Variants in YLPM1 observed in about 807,000 individuals in gnomAD.
The protein encoded by YLPM1 is YLP motif containing 1, also known as YLP motif-containing protein 1.
Under a neutral mutation model 230.0 loss-of-function variants are expected in YLPM1, and 99 were observed. The ratio of observed to expected loss-of-function variants is 0.43; its 90% CI spans 0.37 to 0.51. The LOEUF is 0.51. Among genes scored for constraint, YLPM1 ranks in the 20% least tolerant of loss-of-function variants. The pLI is 0.00. For missense variants in YLPM1, 2,592 were observed against 2,707.7 expected, an observed-to-expected ratio of 0.96 and a Z score of 0.95; for synonymous variants, 984 against 942.5, an observed-to-expected ratio of 1.04 and a Z score of -0.81.
At chr14:74,788,050 ACT>A (rs1482396989) in intron 4 of YLPM1, among the ~76,000 whole-genome samples, 1 of 152,056 alleles carries the variant, frequency 6.6e-6, no homozygotes, top group African/African-American at 2.4e-5. Context: ...TTAAAGACAA[ACT>A]CTTTTCATCC....
chr14:74,819,894 G>T (rs1297851089), intron 16 of YLPM1, among the ~76,000 whole-genome samples: 2 of 152,064 alleles, frequency 1.3e-5, no homozygotes, highest in Admixed American at 6.6e-5. Flanking sequence ...CCCCCTTAGG[G>T]CTCCATCCTA....
At chr14:74,807,060 A>T (rs533977215) in intron 6 of YLPM1, among the ~76,000 whole-genome samples, 22 of 152,276 alleles carry the variant, frequency 1.4e-4, no homozygotes, top group Non-Finnish European at 2.2e-4. Flanking sequence ...GCCATACTTT[A>T]AAAGTTTACC....
rs367544415 is a variant in YLPM1, at chr14:74,829,159, C to G, written c.6164-54C>G. The G allele has an allele frequency of 4.1e-5, 65 of 1,601,910 alleles. No homozygotes were observed. In the East Asian group the frequency reaches 7.9e-4, roughly 19 times the overall value. On this transcript the variant is annotated intron_variant, in intron 18 of 20. Coordinates refer to ENST00000325680, the MANE Select transcript of YLPM1 (RefSeq NM_019589.3). ...GCCTTCTTTTCCCCTGTGTGTGTGT[C>G]GTGTGCAAACTCACACTCTTCCTTA...
chr14:74,791,549 T>C (rs191230936), intron 4 of YLPM1, among the ~76,000 whole-genome samples: 2 of 152,350 alleles, frequency 1.3e-5, no homozygotes, highest in Non-Finnish European at 2.9e-5. Context: ...AATTCCCTTC[T>C]TGCCATTCTT....
At position 74,782,032 on chromosome 14, in the gene YLPM1, A is replaced by G. The variant is rs768871878; in HGVS notation, c.1989A>G (p.Pro663=). The change falls in exon 4 of 21, where the codon CCA becomes CCG. Residue 663 remains proline, a synonymous_variant. Transcript: ENST00000325680. ...PASSSQSSQV[P]EKPRPALLPT... Reference sequence around the variant, plus strand: ...CCAGTTCACAGAGCTCGCAAGTTCCAGAGAAACCTAGACCAGCACTGCTTC... The same window carrying G: ...CCAGTTCACAGAGCTCGCAAGTTCCGGAGAAACCTAGACCAGCACTGCTTC... The G allele has an allele frequency of 1.9e-6, 3 of 1,613,888 alleles. No individual in the cohort carries two copies. The highest frequency in any genetic ancestry group is 2.5e-6 in the Non-Finnish European group (3 of 1,179,876).
intron 4 of YLPM1, among the ~76,000 whole-genome samples, chr14:74,786,805 G>A (rs1014035976): frequency 6.6e-6 from 1 of 152,088 alleles, no homozygotes; most frequent in Non-Finnish European, 1.5e-5. Context: ...AATTTTGTTT[G>A]GATATCTATT....
In YLPM1 at chr14:74,799,315, C is replaced by A. The variant is rs2091300401; in HGVS notation, c.4018C>A (p.Leu1340Ile). The A allele has an allele frequency of 6.2e-7, 1 of 1,613,916 alleles. No individual in the cohort carries two copies. Among genetic ancestry groups the A allele is most frequent in the African/African-American group, 1.3e-5 (1 of 74,922 alleles). Residue 1340 changes from leucine (L) to isoleucine (I), a missense_variant, in exon 5 of 21, where the codon CTT becomes ATT. Physicochemically the swap from Leu to Ile is conservative, Grantham distance 5. This residue lies in a region of YLPM1 where 1,862 missense variants were observed against 1,819.8 expected (regional missense o/e 1.02). Coordinates refer to ENST00000325680, the MANE Select transcript of YLPM1 (RefSeq NM_019589.3). The part of the protein sequence containing the change: ...SLPPLPPLPP[L>I]PPLDRYRDDR... ...TCCACCTTTACCGCCCCTCCCACCTCTTCCACCTTTGGATAGATATCGGGA... is the reference window on the plus strand; with the variant it reads ...TCCACCTTTACCGCCCCTCCCACCTATTCCACCTTTGGATAGATATCGGGA...
rs1197803562 is a variant in YLPM1 at position 74,781,477 on chromosome 14, T to C, written c.1434T>C (p.Tyr478=). The change falls in exon 4 of 21, where the codon TAT becomes TAC. Residue 478 remains tyrosine, a synonymous_variant. Transcript: ENST00000325680. ...CTCATAAAGATCAGCTTCAGGAGTA[T>C]GAGAAGCAGTGGAAAACATGGCAGG... The part of the protein sequence containing the change: ...SYPHKDQLQE[Y]EKQWKTWQGH... The C allele has an allele frequency of 2.5e-6, 4 of 1,613,386 alleles. No homozygotes were observed. In the South Asian group the frequency reaches 3.3e-5, roughly 13 times the overall value.
At chr14:74,824,396 A>C (rs1416406552) in intron 18 of YLPM1, 89 bp downstream of exon 18, 1 of 1,344,422 alleles carries the variant, frequency 7.4e-7, no homozygotes, top group Non-Finnish European at 1.0e-6. Context: ...AAATTTCCTA[A>C]AACTTCTACT....
At chr14:74,773,707 C>CTTT (rs2091002362) in intron 1 of YLPM1, among the ~76,000 whole-genome samples, 4 of 69,462 alleles carry the variant, frequency 5.8e-5, no homozygotes, top group Admixed American at 1.4e-4. Context: ...GTGCTGTTTT[C>CTTT]TTTCTTTTTT....
chr14:74,775,220 G>C (rs1486127102), intron 1 of YLPM1, among the ~76,000 whole-genome samples: 2 of 152,074 alleles, frequency 1.3e-5, no homozygotes, highest in Non-Finnish European at 2.9e-5. Flanking sequence ...GAGAGGGAAG[G>C]GCTTCAGTTG....
intron 16 of YLPM1, among the ~76,000 whole-genome samples, chr14:74,820,527 CG>C (rs2091512838): frequency 6.6e-6 from 1 of 152,158 alleles, no homozygotes; most frequent in South Asian, 2.1e-4. Flanking sequence ...GGATTATAGG[CG>C]TGAGCCACTG....
chr14:74,781,212 C>G (rs993760370), intron 3 of YLPM1, 122 bp from the exon 4 acceptor site: 4 of 1,115,882 alleles, frequency 3.6e-6, no homozygotes, highest in Non-Finnish European at 4.9e-6. Context: ...TCTTAGCCTC[C>G]CAAAGTCTTT....
chr14:74,811,675 G>A lies in YLPM1; in HGVS notation c.5284G>A (p.Asp1762Asn). Residue 1762 changes from aspartate (D) to asparagine (N), a missense_variant, in exon 10 of 21, where the codon GAT (aspartate) becomes AAT (asparagine). This residue lies in a region of YLPM1 where 403 missense variants were observed against 426.7 expected (regional missense o/e 0.94). Transcript: ENST00000325680. The part of the protein sequence containing the change: ...DHSSSRRGGF[D>N]RPSYDRKSDR... Reference sequence around the variant, plus strand: ...TTCCTCATCCAGAAGAGGGGGTTTTGATAGGCCATCCTATGACCGGAAGTC... The same window carrying A: ...TTCCTCATCCAGAAGAGGGGGTTTTAATAGGCCATCCTATGACCGGAAGTC... 1 of 1,612,898 alleles carries A rather than the reference G, an allele frequency of 6.2e-7. No homozygotes were observed. The highest frequency in any genetic ancestry group is 8.5e-7 in the Non-Finnish European group (1 of 1,179,570).
chr14:74,770,269 G>A (rs1257247411), intron 1 of YLPM1, among the ~76,000 whole-genome samples: 1 of 150,234 alleles, frequency 6.7e-6, no homozygotes, highest in East Asian at 2.0e-4. Flanking sequence ...GATTGTTTAA[G>A]CCCAGGAGTT....
At chr14:74,826,308 A>G (rs1246276789) in intron 18 of YLPM1, among the ~76,000 whole-genome samples, 1 of 152,196 alleles carries the variant, frequency 6.6e-6, no homozygotes, top group African/African-American at 2.4e-5. Context: ...TCTCTAAAAC[A>G]TGAGGATCTT....
intron 15 of YLPM1, 67 bp from the exon 16 acceptor site, chr14:74,818,164 T>C: frequency 1.1e-6 from 1 of 920,010 alleles, no homozygotes. Context: ...ATGTTGTTTA[T>C]CTTGGATGCT....
chr14:74,794,099 G>T (rs928633261), intron 4 of YLPM1, among the ~76,000 whole-genome samples: 2 of 152,050 alleles, frequency 1.3e-5, no homozygotes, highest in African/African-American at 4.8e-5. Context: ...GTTTATTATG[G>T]GTTTGTGTAT....
rs1420274727 is a variant in YLPM1, at chr14:74,809,366, A to C, written c.4522-14A>C. On this transcript the variant is annotated splice_polypyrimidine_tract_variant and intron_variant, in intron 6 of 20. Transcript: ENST00000325680. The stretch of plus-strand genomic sequence containing the variant: ...GGTATACTTGTCCACTAAGCTATTT[A>C]TTCTGTTCTCTAGCCTCCAGGGTCG... 1 of 1,592,754 alleles carries C rather than the reference A, an allele frequency of 6.3e-7. No homozygotes were observed. The highest frequency in any genetic ancestry group is 1.1e-5 in the South Asian group (1 of 87,224).
Sources: allele counts gnomAD v4.1 joint callset (sites outside exome capture counted in the v4.1 genomes callset), GRCh38; gene constraint gnomAD v4.1.1; regional missense constraint gnomAD v4.1.1; transcripts MANE v1.5; gene names NCBI Gene and HGNC (gene_info 2026-07-23, HGNC 2026-07-21).